Variants in SELENOF observed in about 807,000 individuals in gnomAD.
The protein encoded by SELENOF is selenoprotein F, also known as 15 kDa selenoprotein.
Under a neutral mutation model 20.5 loss-of-function variants are expected in SELENOF, and 16 were observed. That is an observed-to-expected ratio of 0.78 (90% confidence interval 0.53 to 1.19). The LOEUF is 1.19. Ranked by LOEUF, SELENOF falls within the 50% of genes most tolerant of loss-of-function variation. The pLI is 0.00. For missense variants in SELENOF, 215 were observed against 194.2 expected (o/e 1.11, Z -0.64); for synonymous variants, 78 against 74.5 (o/e 1.05, Z -0.24).
chr1:86,877,269 T>C (rs1050076899), intron 3 of SELENOF, among the ~76,000 whole-genome samples: 7 of 152,172 alleles, frequency 4.6e-5, no homozygotes, highest in Admixed American at 1.3e-4. Flanking sequence ...ATTTAACCTA[T>C]TATACCTCAT....
chr1:86,898,772 G>C (rs1484156621), intron 2 of SELENOF, among the ~76,000 whole-genome samples: 3 of 150,236 alleles, frequency 2.0e-5, no homozygotes, highest in Non-Finnish European at 4.4e-5. Context: ...TTTTTTGTTT[G>C]TTTGTTTTTT....
upstream of SELENOF, chr1:86,914,361 A>G (rs1235675964): frequency 5.6e-6 from 3 of 537,856 alleles, no homozygotes; most frequent in Non-Finnish European, 1.0e-5. Flanking sequence ...TCTTTTATTC[A>G]CGACACTTCG....
chr1:86,867,746 A>G lies in SELENOF; in HGVS notation c.366+307T>C, dbSNP rs142671186. 2.9e-3 allele frequency among the ~76,000 whole-genome samples: 425 copies of G among 144,498 alleles called. 1 individual carries two copies. Among genetic ancestry groups the G allele is most frequent in the Non-Finnish European group, 5.3e-3 (344 of 65,522 alleles). 94.8% of individuals were successfully genotyped at this position (144,498 alleles called of 152,430 possible). A position where few individuals can be genotyped will look rare whatever the true frequency, so the allele number is the denominator to read the frequency against. Reference sequence around the variant, plus strand: ...TTAATATATCAATATTGATTCATCAATTGTAACAAATGTACCACACCAATG... The same window carrying G: ...TTAATATATCAATATTGATTCATCAGTTGTAACAAATGTACCACACCAATG... On this transcript the variant is annotated intron_variant, in intron 4 of 4. Transcript: ENST00000331835.
intron 2 of SELENOF, among the ~76,000 whole-genome samples, chr1:86,897,274 T>G (rs1014123563): frequency 2.6e-5 from 4 of 151,658 alleles, no homozygotes; most frequent in African/African-American, 9.7e-5. Flanking sequence ...GCAACAAGAG[T>G]GAAACTCCGT....
At chr1:86,883,749 G>A (rs1283255265) in intron 2 of SELENOF, among the ~76,000 whole-genome samples, 1 of 152,058 alleles carries the variant, frequency 6.6e-6, no homozygotes, top group Non-Finnish European at 1.5e-5. Flanking sequence ...GCAGTAAAAG[G>A]ATGAAGCAGC....
chr1:86,867,362 G>A (rs1490925742), intron 4 of SELENOF, among the ~76,000 whole-genome samples: 4 of 151,928 alleles, frequency 2.6e-5, no homozygotes, highest in African/African-American at 7.3e-5. Flanking sequence ...GCATGGTGGC[G>A]TGCTCCTGTA....
intron 1 of SELENOF, among the ~76,000 whole-genome samples, chr1:86,913,115 A>C (rs911777311): frequency 2.6e-5 from 4 of 152,224 alleles, no homozygotes; most frequent in African/African-American, 9.6e-5. Context: ...GATGCTTTCA[A>C]GCTCTTTGAG....
intron 1 of SELENOF, among the ~76,000 whole-genome samples, chr1:86,912,693 C>G (rs1246001655): frequency 6.6e-6 from 1 of 152,184 alleles, no homozygotes; most frequent in Non-Finnish European, 1.5e-5. Flanking sequence ...CTCGAGCTGA[C>G]AGCACCAACT....
chr1:86,873,998 T>C (rs1484837981), intron 3 of SELENOF, among the ~76,000 whole-genome samples: 3 of 151,984 alleles, frequency 2.0e-5, no homozygotes, highest in Non-Finnish European at 4.4e-5. Context: ...TTCTCTACCA[T>C]TATGGGCAGA....
chr1:86,914,461 T>A (rs1355134123), upstream of SELENOF: 1 of 344,110 alleles, frequency 2.9e-6, no homozygotes, highest in African/African-American at 2.1e-5. Context: ...GATTGAGCTC[T>A]GTGGCAGAGG....
At chr1:86,909,731 G>T (rs1188896616) in intron 1 of SELENOF, among the ~76,000 whole-genome samples, 1 of 152,098 alleles carries the variant, frequency 6.6e-6, no homozygotes, top group African/African-American at 2.4e-5. Context: ...CAAGGCCAGG[G>T]GTGGTGGCTC....
At position 86,880,718 on chromosome 1, in the gene SELENOF, G is replaced by A; in HGVS notation, c.260C>T (p.Ala87Val). 6.3e-7 allele frequency: 1 copy of A among 1,581,194 alleles called. No homozygotes were observed. Among genetic ancestry groups the A allele is most frequent in the East Asian group, 2.3e-5 (1 of 43,906 alleles). The change falls in exon 3 of 5, where the codon GCA becomes GTA. Residue 87 changes from alanine (A) to valine (V), a missense_variant. Transcript: ENST00000331835. ...EAQFETKKLY[A>V]GAILEVCGUK... ...TCCACAAACTTCAAGAATAGCTCCT[G>A]CATACAGCTACAAAAGGAAAAACAG...
At chr1:86,892,107 T>C (rs184945232) in intron 2 of SELENOF, among the ~76,000 whole-genome samples, 2 of 152,174 alleles carry the variant, frequency 1.3e-5, no homozygotes, top group Admixed American at 1.3e-4. Context: ...ATTTCTTTTG[T>C]ATTTTTAGTA....
At chr1:86,882,413 G>C (rs985250344) in intron 2 of SELENOF, among the ~76,000 whole-genome samples, 4 of 150,152 alleles carry the variant, frequency 2.7e-5, no homozygotes, top group Non-Finnish European at 5.9e-5. Context: ...ATGAAGGGAT[G>C]GTCAATATTA....
chr1:86,911,801 T>G (rs1250328476), intron 1 of SELENOF, among the ~76,000 whole-genome samples: 2 of 145,624 alleles, frequency 1.4e-5, no homozygotes, highest in Non-Finnish European at 1.5e-5. Context: ...TTTTTTTTTT[T>G]GAGACAGAGT....
intron 1 of SELENOF, among the ~76,000 whole-genome samples, chr1:86,913,576 T>C (rs951708244): frequency 9.2e-5 from 14 of 151,990 alleles, no homozygotes; most frequent in Non-Finnish European, 1.5e-4. Context: ...CTAACAGAAG[T>C]AGTGAAAATG....
chr1:86,913,645 A>G (rs1660050453), intron 1 of SELENOF, among the ~76,000 whole-genome samples: 1 of 152,188 alleles, frequency 6.6e-6, no homozygotes, highest in Admixed American at 6.5e-5. Flanking sequence ...AACGACTTGA[A>G]GACTTGCCTC....
intron 3 of SELENOF, among the ~76,000 whole-genome samples, chr1:86,879,772 T>C (rs1007078890): frequency 1.3e-5 from 2 of 152,232 alleles, no homozygotes; most frequent in Non-Finnish European, 2.9e-5. Flanking sequence ...AAGCCTTTCT[T>C]GGCAATGCAA....
intron 2 of SELENOF, among the ~76,000 whole-genome samples, chr1:86,895,287 T>C (rs1040321339): frequency 3.3e-5 from 5 of 152,214 alleles, no homozygotes; most frequent in African/African-American, 7.2e-5. Flanking sequence ...ACTTTGTCAA[T>C]AGCAATTATT....
Sources: allele counts gnomAD v4.1 joint callset (sites outside exome capture counted in the v4.1 genomes callset), GRCh38; gene constraint gnomAD v4.1.1; transcripts MANE v1.5; gene names NCBI Gene and HGNC (gene_info 2026-07-23, HGNC 2026-07-21).